The following SH2B3 variants were observed in gnomAD, a reference collection of about 807,000 sequenced individuals.
SH2B3 encodes the protein SH2B adaptor protein 3, also known as SH2B adapter protein 3.
SH2B3 carries 43 observed loss-of-function variants against 51.9 expected under a neutral mutation model. The ratio of observed to expected loss-of-function variants is 0.83; its 90% CI spans 0.65 to 1.07. The LOEUF (loss-of-function observed/expected upper bound fraction) is 1.07, where lower values mean the gene tolerates loss of function less well. SH2B3 is among the 50% of genes least tolerant of loss of function. SH2B3 has a pLI of 0.00. For synonymous variants in SH2B3, 396 were observed against 376.0 expected (o/e 1.05, Z -0.62); for missense variants, 952 against 834.3 (o/e 1.14, Z -1.74).
rs760472328 is a variant in SH2B3 at position 111,418,213 on chromosome 12, C to T, written c.68C>T (p.Pro23Leu). Residue 23 changes from proline (P) to leucine (L), a missense_variant, in exon 2 of 8, where the codon CCG (proline) becomes CTG (leucine). By Grantham distance (98) the Pro-to-Leu change is moderately conservative. Coordinates refer to ENST00000341259, the MANE Select transcript of SH2B3 (RefSeq NM_005475.3). This position sits in a 1 kb window ranked among gnomAD's most constrained non-coding sequence, Gnocchi z 6.7. ...CCCTCAGCCTCCCCGGCGGCGGCCCCGCGGGGCTGGAGCGAGTTCTGTGAG... is the reference window on the plus strand; with the variant it reads ...CCCTCAGCCTCCCCGGCGGCGGCCCTGCGGGGCTGGAGCGAGTTCTGTGAG... ...SAPSASPAAA[P>L]RGWSEFCELH... 1.9e-6 allele frequency: 3 copies of T among 1,580,390 alleles called. No homozygotes were observed. Among genetic ancestry groups the T allele is most frequent in the South Asian group, 1.1e-5 (1 of 88,756 alleles).
At chr12:111,405,784 C>T (rs1285384668), upstream of SH2B3, among the ~76,000 whole-genome samples, 1 of 151,976 alleles carries the variant, frequency 6.6e-6, no homozygotes, top group Non-Finnish European at 1.5e-5. The surrounding 1 kb of genome is among the most constrained non-coding windows in gnomAD (Gnocchi z 5.4). Context: ...CGGGCTCCGC[C>T]CTCATGGCCC....
chr12:111,444,796 G>A lies in SH2B3; in HGVS notation c.733-1957G>A, dbSNP rs112564165. 13,120 of 985,550 alleles carry A rather than the reference G, an allele frequency of 0.013. 104 individuals carry two copies. Among genetic ancestry groups the A allele is most frequent in the Non-Finnish European group, 0.014 (12,031 of 830,014 alleles). The allele number at this position is 985,550 out of a possible 1,614,324, so 61.1% of individuals were successfully genotyped here. On this transcript the variant is annotated intron_variant, in intron 2 of 7. Transcript: ENST00000341259. ...TCGACTGAAGCAGGGGTTGTCCTGC[G>A]CCCATGTGCCCACACGCTGCAACCT...
chr12:111,448,122 A>T lies in SH2B3; in HGVS notation c.1548A>T (p.Pro516=), dbSNP rs1473554711. Reference sequence around the variant, plus strand: ...GGGGGCTCAGCCCAGAGGGTCTCCCAGGGCGATCCTCACCCCCCGAGCAGA... The same window carrying T: ...GGGGGCTCAGCCCAGAGGGTCTCCCTGGGCGATCCTCACCCCCCGAGCAGA... ...CPRGLSPEGL[P]GRSSPPEQIF... is the part of the protein sequence containing the mutation. Residue 516 remains proline (P), a synonymous_variant, in exon 8 of 8, where the codon CCA becomes CCT. Coordinates refer to ENST00000341259, the MANE Select transcript of SH2B3 (RefSeq NM_005475.3). The T allele has an allele frequency of 6.2e-7, 1 of 1,613,952 alleles. No individual in the cohort carries two copies. Among genetic ancestry groups the T allele is most frequent in the African/African-American group, 1.3e-5 (1 of 74,902 alleles).
Position 111,429,613 on chromosome 12 carries a change from C to T in SH2B3, c.732+10736C>T, listed in dbSNP as rs1163217057. Among the ~76,000 whole-genome samples, 3 of 152,222 alleles carry T rather than the reference C, an allele frequency of 2.0e-5. No individual in the cohort carries two copies. Among genetic ancestry groups the T allele is most frequent in the Non-Finnish European group, 4.4e-5 (3 of 68,028 alleles). ...CCTCCCAAAGTGCTAGGATTACAGG[C>T]GTGAGCTACCGCGCCCGGCCCATTT... is the stretch of plus-strand genomic sequence containing the variant. On this transcript the variant is annotated intron_variant, in intron 2 of 7. Transcript: ENST00000341259. The surrounding 1 kb of genome is among the most constrained non-coding windows in gnomAD (Gnocchi z 4.4).
At chr12:111,437,042 T>C (rs1872941344) in intron 2 of SH2B3, among the ~76,000 whole-genome samples, 1 of 151,916 alleles carries the variant, frequency 6.6e-6, no homozygotes. Flanking sequence ...GATTCTGTAT[T>C]TGGGGGTGTC....
At chr12:111,426,371 C>T (rs955220556) in intron 2 of SH2B3, among the ~76,000 whole-genome samples, 19 of 150,256 alleles carry the variant, frequency 1.3e-4, no homozygotes, top group Non-Finnish European at 2.1e-4. Context: ...ATTCTGGTTC[C>T]GTTTTTCTTT....
In SH2B3 at chr12:111,439,134, G is replaced by A. The variant is rs548008881; in HGVS notation, c.733-7619G>A. Among the ~76,000 whole-genome samples, 10 of 152,096 alleles carry A rather than the reference G, an allele frequency of 6.6e-5. No homozygotes were observed. In the South Asian group the frequency reaches 1.7e-3, roughly 25 times the overall value. The stretch of plus-strand genomic sequence containing the variant: ...ACTACAGGTACCTGCCACCATGCCC[G>A]ACTAATTTTTGTATTTTTGTATTTT... On this transcript the variant is annotated intron_variant, in intron 2 of 7. Transcript: ENST00000341259.
At chr12:111,416,990 T>G (rs1028201597) in intron 1 of SH2B3, among the ~76,000 whole-genome samples, 1 of 152,262 alleles carries the variant, frequency 6.6e-6, no homozygotes, top group Admixed American at 6.5e-5. Flanking sequence ...AAAATGTTTG[T>G]GTACACATAA....
intron 1 of SH2B3, among the ~76,000 whole-genome samples, chr12:111,414,423 C>G (rs1870927146): frequency 6.6e-6 from 1 of 152,054 alleles, no homozygotes; most frequent in South Asian, 2.1e-4. Flanking sequence ...GAGACCCCAT[C>G]TCTACAAAAA....
rs1872267076 is a variant in SH2B3, at chr12:111,429,172, C to T, written c.732+10295C>T. The stretch of plus-strand genomic sequence containing the variant: ...GGAAGGCACTTTGCCCTCCCTGTGC[C>T]TCAGTTTACTCAAGTAAAAATAGCT... On this transcript the variant is annotated intron_variant, in intron 2 of 7. Transcript: ENST00000341259. This position sits in a 1 kb window ranked among gnomAD's most constrained non-coding sequence, Gnocchi z 4.4. 6.6e-6 allele frequency among the ~76,000 whole-genome samples: 1 copy of T among 152,120 alleles called. No homozygotes were observed. Among genetic ancestry groups the T allele is most frequent in the African/African-American group, 2.4e-5 (1 of 41,412 alleles).
chr12:111,407,431 A>G lies in SH2B3; in HGVS notation c.-28+1154A>G, dbSNP rs1230643312. On this transcript the variant is annotated intron_variant, in intron 1 of 7. Transcript: ENST00000341259. The surrounding 1 kb of genome is among the most constrained non-coding windows in gnomAD (Gnocchi z 4.3). The stretch of plus-strand genomic sequence containing the variant: ...GCAGCCAGGCCTCAGGGCCCCTGCC[A>G]GGGCAGTGGGCCTGTGGGTCTCCAG... Among the ~76,000 whole-genome samples, 1 of 152,224 alleles carries G rather than the reference A, an allele frequency of 6.6e-6. No homozygotes were observed. Among genetic ancestry groups the G allele is most frequent in the Non-Finnish European group, 1.5e-5 (1 of 68,032 alleles).
Position 111,418,152 on chromosome 12 carries a change from G to A in SH2B3, c.7G>A (p.Gly3Arg), listed in dbSNP as rs1396230188. 2.7e-6 allele frequency: 4 copies of A among 1,508,642 alleles called. No homozygotes were observed. The highest frequency in any genetic ancestry group is 2.2e-5 in the Admixed American group (1 of 45,238). 93.5% of individuals were successfully genotyped at this position (1,508,642 alleles called of 1,614,324 possible). A position where few individuals can be genotyped will look rare whatever the true frequency, so the allele number is the denominator to read the frequency against. Reference sequence around the variant, plus strand: ...CACCACCTGGGTCTCCGCCATGAACGGGCCTGCCCTGCAGCCCTCCTCGCC... The same window carrying A: ...CACCACCTGGGTCTCCGCCATGAACAGGCCTGCCCTGCAGCCCTCCTCGCC... MNGPALQPSSPSS... is the reference protein window; with the variant it reads MNRPALQPSSPSS... The change falls in exon 2 of 8, where the codon GGG becomes AGG. Residue 3 changes from glycine to arginine, a missense_variant. Gly to Arg is a moderately radical substitution (Grantham distance 125). Transcript: ENST00000341259. The surrounding 1 kb of genome is among the most constrained non-coding windows in gnomAD (Gnocchi z 6.7).
chr12:111,444,834 T>A lies in SH2B3; in HGVS notation c.733-1919T>A, dbSNP rs978012097. On this transcript the variant is annotated intron_variant, in intron 2 of 7. Coordinates refer to ENST00000341259, the MANE Select transcript of SH2B3 (RefSeq NM_005475.3). ...CACGCTGCAACCTGGCTGGAGCCTC[T>A]GGCATAGGACACCCATACCACCAGG... The A allele has an allele frequency of 4.1e-6, 4 of 985,582 alleles. No homozygotes were observed. In the African/African-American group the frequency reaches 7.0e-5, roughly 17 times the overall value. The allele number at this position is 985,582 out of a possible 1,614,324, so 61.1% of individuals were successfully genotyped here. A position where few individuals can be genotyped will look rare whatever the true frequency, so the allele number is the denominator to read the frequency against.
intron 2 of SH2B3, among the ~76,000 whole-genome samples, chr12:111,441,733 TCA>T (rs1484943757): frequency 6.6e-6 from 1 of 152,164 alleles, no homozygotes; most frequent in African/African-American, 2.4e-5. Flanking sequence ...GCAGGACTTC[TCA>T]GAGTCTTTAA....
At chr12:111,421,239 C>T (rs1049559960) in intron 2 of SH2B3, among the ~76,000 whole-genome samples, 2 of 151,960 alleles carry the variant, frequency 1.3e-5, no homozygotes, top group Admixed American at 1.3e-4. Context: ...ACCTCCCAGC[C>T]TCAGGTTATT....
chr12:111,422,616 A>G (rs550057603), intron 2 of SH2B3, among the ~76,000 whole-genome samples: 8 of 149,958 alleles, frequency 5.3e-5, no homozygotes, highest in Admixed American at 2.7e-4. Context: ...GCTGGAGTGC[A>G]GTGGCGCAAT....
At chr12:111,422,843 A>G (rs1871665614) in intron 2 of SH2B3, among the ~76,000 whole-genome samples, 1 of 152,056 alleles carries the variant, frequency 6.6e-6, no homozygotes, top group African/African-American at 2.4e-5. Context: ...TACAGGCGTG[A>G]GCTACCTCAC....
chr12:111,417,261 A>G (rs1296027004), intron 1 of SH2B3, among the ~76,000 whole-genome samples: 4 of 152,288 alleles, frequency 2.6e-5, no homozygotes, highest in East Asian at 1.9e-4. Flanking sequence ...AATATGTAGC[A>G]GGGAGCAAGT....
chr12:111,422,072 TTTGTG>T (rs1333500943), intron 2 of SH2B3, among the ~76,000 whole-genome samples: 4 of 152,202 alleles, frequency 2.6e-5, no homozygotes, highest in African/African-American at 9.7e-5. Flanking sequence ...GGTGGGTTTT[TTTGTG>T]TTTTGTTTTG....
Sources: allele counts gnomAD v4.1 joint callset (sites outside exome capture counted in the v4.1 genomes callset), GRCh38; gene constraint gnomAD v4.1.1; non-coding constraint Gnocchi (gnomAD v3.1); transcripts MANE v1.5; gene names NCBI Gene and HGNC (gene_info 2026-07-23, HGNC 2026-07-21).